The following TAFA1 variants were observed in gnomAD, a reference collection of about 807,000 sequenced individuals.
TAFA1 encodes the protein TAFA chemokine like family member 1.
TAFA1 carries 4 observed loss-of-function variants against 18.5 expected under a neutral mutation model. The ratio of observed to expected loss-of-function variants is 0.22; its 90% confidence interval spans 0.11 to 0.49. The LOEUF (loss-of-function observed/expected upper bound fraction) is 0.49. Among genes scored for constraint, TAFA1 ranks in the 20% least tolerant of loss-of-function variants. The probability of loss-of-function intolerance (pLI) is 0.98; values close to 1 mark genes in which losing one functional copy is unlikely to be tolerated. For synonymous variants in TAFA1, 56 were observed against 55.2 expected (o/e 1.01, Z -0.06); for missense variants, 147 against 169.0 (o/e 0.87, Z 0.72).
At chr3:68,267,431 T>C (rs1194159844) in intron 2 of TAFA1, among the ~76,000 whole-genome samples, 1 of 152,182 alleles carries the variant, frequency 6.6e-6, no homozygotes, top group Non-Finnish European at 1.5e-5. Flanking sequence ...ATAAGTTATA[T>C]GGAAAATGAG....
chr3:68,541,745 A>G (rs2073378815), intron 4 of TAFA1, among the ~76,000 whole-genome samples: 1 of 152,208 alleles, frequency 6.6e-6, no homozygotes, highest in African/African-American at 2.4e-5. Context: ...AAGTAACTTC[A>G]ATATAAAGAT....
upstream of TAFA1, among the ~76,000 whole-genome samples, chr3:68,001,411 G>C (rs1338139052): frequency 2.0e-5 from 3 of 152,072 alleles, no homozygotes; most frequent in African/African-American, 4.8e-5. Flanking sequence ...TTTTCTTACA[G>C]TTACTGAAAA....
chr3:68,026,644 C>T (rs914383357), intron 2 of TAFA1, among the ~76,000 whole-genome samples: 1 of 152,034 alleles, frequency 6.6e-6, no homozygotes, highest in East Asian at 1.9e-4. Context: ...GAGATAGAAA[C>T]TCAAAGTAAA....
intron 2 of TAFA1, among the ~76,000 whole-genome samples, chr3:68,099,011 T>G (rs2065118594): frequency 6.6e-6 from 1 of 152,228 alleles, no homozygotes; most frequent in East Asian, 1.9e-4. Context: ...TAACCCAAGA[T>G]GAATTAAAGA....
chr3:68,057,667 T>G (rs184411489), intron 2 of TAFA1, among the ~76,000 whole-genome samples: 1 of 152,330 alleles, frequency 6.6e-6, no homozygotes, highest in Non-Finnish European at 1.5e-5. Context: ...TGTTTTTAAA[T>G]TAAGGATCTT....
chr3:68,014,910 A>G (rs1704539210), intron 2 of TAFA1, among the ~76,000 whole-genome samples: 1 of 152,128 alleles, frequency 6.6e-6, no homozygotes, highest in South Asian at 2.1e-4. Flanking sequence ...GGCCAAATAA[A>G]TCAAGACTGA....
intron 3 of TAFA1, among the ~76,000 whole-genome samples, chr3:68,530,631 G>A (rs1449987447): frequency 6.6e-6 from 1 of 152,078 alleles, no homozygotes; most frequent in Non-Finnish European, 1.5e-5. Flanking sequence ...AATTAACTCA[G>A]TTCTAGGGGA....
At chr3:68,244,778 TA>T (rs2067044742) in intron 2 of TAFA1, among the ~76,000 whole-genome samples, 2 of 152,202 alleles carry the variant, frequency 1.3e-5, no homozygotes, top group Admixed American at 1.3e-4. Flanking sequence ...GGCATATTTC[TA>T]AGCACATTCC....
chr3:68,241,704 G>A (rs1270626141), intron 2 of TAFA1, among the ~76,000 whole-genome samples: 1 of 152,074 alleles, frequency 6.6e-6, no homozygotes, highest in Non-Finnish European at 1.5e-5. Context: ...CTCTTTTCCA[G>A]GCAATGGATA....
chr3:68,277,091 A>G (rs985590393), intron 2 of TAFA1, among the ~76,000 whole-genome samples: 1 of 152,132 alleles, frequency 6.6e-6, no homozygotes, highest in Non-Finnish European at 1.5e-5. Flanking sequence ...CTGGAAATAC[A>G]TGAGAACAAG....
At chr3:68,480,964 C>T (rs1041495527) in intron 3 of TAFA1, among the ~76,000 whole-genome samples, 5 of 152,126 alleles carry the variant, frequency 3.3e-5, no homozygotes, top group Non-Finnish European at 7.4e-5. Context: ...TTGGTTCTCT[C>T]GTTCTCTCTT....
At chr3:68,266,400 A>T (rs973891) in intron 2 of TAFA1, among the ~76,000 whole-genome samples, 2,586 of 152,246 alleles carry the variant, frequency 0.017, 74 homozygotes, top group African/African-American at 0.058. Context: ...TACCCAGAAG[A>T]GTAGATATAA....
intron 2 of TAFA1, among the ~76,000 whole-genome samples, chr3:68,343,352 T>C (rs1484354296): frequency 1.3e-5 from 2 of 152,196 alleles, no homozygotes; most frequent in African/African-American, 4.8e-5. Flanking sequence ...GTAGTTTACA[T>C]TTTTAAAAAG....
intron 2 of TAFA1, among the ~76,000 whole-genome samples, chr3:68,147,279 C>T (rs2065753226): frequency 6.6e-6 from 1 of 151,978 alleles, no homozygotes; most frequent in South Asian, 2.1e-4. Context: ...AGGTATCAGG[C>T]AACTAGGGAC....
At chr3:68,488,696 A>G (rs1037513970) in intron 3 of TAFA1, among the ~76,000 whole-genome samples, 1 of 152,224 alleles carries the variant, frequency 6.6e-6, no homozygotes, top group African/African-American at 2.4e-5. Context: ...ATGAGATGAT[A>G]AATAGAAGAT....
chr3:68,182,866 A>G (rs971907282), intron 2 of TAFA1, among the ~76,000 whole-genome samples: 2 of 152,218 alleles, frequency 1.3e-5, no homozygotes, highest in Non-Finnish European at 2.9e-5. Context: ...TATTTTATGC[A>G]TATGGTGGTG....
intron 2 of TAFA1, among the ~76,000 whole-genome samples, chr3:68,037,672 G>A (rs1705080930): frequency 6.6e-6 from 1 of 152,128 alleles, no homozygotes; most frequent in African/African-American, 2.4e-5. Flanking sequence ...GTATGTGGAA[G>A]GGATCTTTTT....
At position 68,492,669 on chromosome 3, in the gene TAFA1, A is replaced by G. The variant is rs2072474208; in HGVS notation, c.260-46087A>G. On this transcript the variant is annotated intron_variant, in intron 3 of 4. Coordinates refer to ENST00000478136, the MANE Select transcript of TAFA1 (RefSeq NM_213609.4). ...TTGATAGTTTGCTTGCAGTGTTTCT[A>G]TATTTATTTTGTAGAAAAAAACAGA... Among the ~76,000 whole-genome samples the G allele has an allele frequency of 4.6e-5, 7 of 152,284 alleles. No homozygotes were observed. The South Asian group carries it at 1.2e-3, about 27-fold the overall frequency.
At chr3:68,408,349 T>C (rs1393630785) in intron 2 of TAFA1, among the ~76,000 whole-genome samples, 1 of 152,200 alleles carries the variant, frequency 6.6e-6, no homozygotes. Context: ...CTATTTCACT[T>C]AGAGTAAAAA....
Sources: gnomAD v4.1 joint callset for allele counts (sites outside exome capture counted in the v4.1 genomes callset) on GRCh38, gnomAD v4.1.1 for gene constraint, MANE v1.5 for transcripts, NCBI Gene and HGNC (gene_info 2026-07-23, HGNC 2026-07-21) for gene names.